The following CARMIL3 variants were observed in gnomAD, a reference collection of about 807,000 sequenced individuals.
The protein encoded by CARMIL3 is capping protein, Arp2/3 and myosin-I linker protein 3.
In CARMIL3, 88 loss-of-function variants were observed where a neutral mutation model predicts 180.8. That is an observed-to-expected ratio of 0.49 (90% CI 0.41 to 0.58). The LOEUF is 0.58. Ranked by LOEUF, CARMIL3 falls within the 20% of genes least tolerant of loss-of-function variation. CARMIL3 has a pLI of 0.00. For missense variants in CARMIL3, 1,548 were observed against 1,787.0 expected, an observed-to-expected ratio of 0.87 and a Z score of 2.41; for synonymous variants, 696 against 714.5, an observed-to-expected ratio of 0.97 and a Z score of 0.41.
intron 1 of CARMIL3, 43 bp downstream of exon 1, chr14:24,052,236 A>G: frequency 6.5e-7 from 1 of 1,544,184 alleles, no homozygotes. Context: ...GTCCGGGAGC[A>G]TCCCAGACCC....
Position 24,052,176 on chromosome 14 carries a change from T to C in CARMIL3, c.23T>C (p.Leu8Pro). MAKPSVELTRELQDSIRR... is the reference protein window; with the variant it reads MAKPSVEPTRELQDSIRR... Reference sequence around the variant, plus strand: ...GCCATGGCCAAGCCCAGCGTGGAGCTCACCCGCGAGTTGCAAGGTACGAGG... The same window carrying C: ...GCCATGGCCAAGCCCAGCGTGGAGCCCACCCGCGAGTTGCAAGGTACGAGG... Residue 8 changes from leucine (L) to proline (P), a missense_variant, in exon 1 of 40, where the codon CTC (leucine) becomes CCC (proline). Leu to Pro is a moderately conservative substitution (Grantham distance 98). Transcript: ENST00000342740. The C allele has an allele frequency of 6.3e-7, 1 of 1,593,004 alleles. No individual in the cohort carries two copies. Among genetic ancestry groups the C allele is most frequent in the Non-Finnish European group, 8.5e-7 (1 of 1,173,996 alleles).
In CARMIL3 at chr14:24,055,224, C is replaced by G. The variant is rs8013151; in HGVS notation, c.532-13C>G. ...AGTGGGGAGCAGGTGTGAGCCAGTT[C>G]CACCTCTCCAAGGATGTGGACACCA... On this transcript the variant is annotated splice_polypyrimidine_tract_variant and intron_variant, in intron 7 of 39. Transcript: ENST00000342740. 2 of 1,613,992 alleles carry G rather than the reference C, an allele frequency of 1.2e-6. No individual in the cohort carries two copies. The highest frequency in any genetic ancestry group is 1.7e-6 in the Non-Finnish European group (2 of 1,179,940).
chr14:24,064,178 T>G, intron 31 of CARMIL3, 68 bp from the exon 32 acceptor site: 1 of 1,035,700 alleles, frequency 9.7e-7, no homozygotes, highest in Non-Finnish European at 1.5e-6. Context: ...AGGGGAATGC[T>G]CTGAGTGGAT....
chr14:24,057,737 A>C, intron 14 of CARMIL3, 66 bp from the exon 15 acceptor site: 1 of 1,346,082 alleles, frequency 7.4e-7, no homozygotes, highest in Non-Finnish European at 1.0e-6. Flanking sequence ...AGGGAGGGGG[A>C]GTCCTTTCCT....
In CARMIL3 at chr14:24,058,541, T is replaced by C; in HGVS notation, c.1393-139T>C. ...GCCAGCTCTAGGGAAGGATCTGGTG[T>C]GGGGAAAGAGTCTCCCTGATTTTAC... On this transcript the variant is annotated intron_variant, in intron 17 of 39. Coordinates refer to ENST00000342740, the MANE Select transcript of CARMIL3 (RefSeq NM_138360.4). The surrounding 1 kb of genome is among the most constrained non-coding windows in gnomAD (Gnocchi z 6.4). 1.4e-6 allele frequency: 1 copy of C among 708,570 alleles called. No individual in the cohort carries two copies. The highest frequency in any genetic ancestry group is 1.8e-5 in the South Asian group (1 of 55,062). The allele number at this position is 708,570 out of a possible 1,614,324, so 43.9% of individuals were successfully genotyped here.
chr14:24,054,824 T>C lies in CARMIL3; in HGVS notation c.460+16T>C. On this transcript the variant is annotated intron_variant, in intron 6 of 39. Transcript: ENST00000342740. This position sits in a 1 kb window ranked among gnomAD's most constrained non-coding sequence, Gnocchi z 5.1. Reference sequence around the variant, plus strand: ...AGTGTCTGCGGTGAGCAGGGGCAGATGTGAGGAAAGTAGGCGCTCCACCAT... The same window carrying C: ...AGTGTCTGCGGTGAGCAGGGGCAGACGTGAGGAAAGTAGGCGCTCCACCAT... 2 of 1,608,602 alleles carry C rather than the reference T, an allele frequency of 1.2e-6. No homozygotes were observed. Among genetic ancestry groups the C allele is most frequent in the South Asian group, 1.1e-5 (1 of 90,788 alleles).
At chr14:24,056,495 C>A in intron 11 of CARMIL3, 102 bp downstream of exon 11, 4 of 1,470,670 alleles carry the variant, frequency 2.7e-6, no homozygotes, top group South Asian at 2.3e-5. Context: ...CTGATTCCAG[C>A]CCCTGCCCTG....
In CARMIL3 at chr14:24,065,058, C is replaced by T. The variant is rs1185772480; in HGVS notation, c.3181C>T (p.Pro1061Ser). 6.2e-6 allele frequency: 10 copies of T among 1,603,938 alleles called. No individual in the cohort carries two copies. Among genetic ancestry groups the T allele is most frequent in the East Asian group, 4.5e-5 (2 of 44,654 alleles). The change falls in exon 33 of 40, where the codon CCC becomes TCC. Residue 1061 changes from proline to serine, a missense_variant. Pro to Ser is a moderately conservative substitution (Grantham distance 74, BLOSUM62 -1). This residue lies in a region of CARMIL3 where 668 missense variants were observed against 687.8 expected (regional missense o/e 0.97). Coordinates refer to ENST00000342740, the MANE Select transcript of CARMIL3 (RefSeq NM_138360.4). ...RRRGLFHFRR[P>S]RSFKGDRGPG... ...CCGGGGCCTGTTTCACTTTCGCCGG[C>T]CCCGGAGCTTCAAGGGGGACAGGGG... is the stretch of plus-strand genomic sequence containing the variant.
Position 24,057,172 on chromosome 14 carries a change from C to T in CARMIL3, c.1068C>T (p.Leu356=). Residue 356 remains leucine (L), a synonymous_variant, in exon 14 of 40, where the codon CTC becomes CTT. Coordinates refer to ENST00000342740, the MANE Select transcript of CARMIL3 (RefSeq NM_138360.4). The part of the protein sequence containing the change: ...GLLATDEANA[L]YSFLAQPNAL... ...CCTCTTCCTTCCTACTCCAGGCCCTCTACAGTTTCCTGGCCCAACCCAACG... is the reference window on the plus strand; with the variant it reads ...CCTCTTCCTTCCTACTCCAGGCCCTTTACAGTTTCCTGGCCCAACCCAACG... 1 of 1,613,974 alleles carries T rather than the reference C, an allele frequency of 6.2e-7. No individual in the cohort carries two copies. The highest frequency in any genetic ancestry group is 1.1e-5 in the South Asian group (1 of 91,032).
At chr14:24,062,363 G>A (rs1566541613) in intron 27 of CARMIL3, 117 bp from the exon 28 acceptor site, 1 of 927,488 alleles carries the variant, frequency 1.1e-6, no homozygotes, top group African/African-American at 1.6e-5. Flanking sequence ...GCGCTCCATG[G>A]GCAGACAGAC....
At chr14:24,055,850 A>C (rs1594547777) in intron 10 of CARMIL3, 61 bp downstream of exon 10, 1 of 1,461,916 alleles carries the variant, frequency 6.8e-7, no homozygotes, top group East Asian at 2.3e-5. Flanking sequence ...GGGTCCCAGA[A>C]CCTCAGAGCA....
Position 24,060,255 on chromosome 14 carries a change from A to G in CARMIL3, c.2061A>G (p.Gln687=), listed in dbSNP as rs2035719253. 1.9e-6 allele frequency: 3 copies of G among 1,614,102 alleles called. No individual in the cohort carries two copies. Among genetic ancestry groups the G allele is most frequent in the Non-Finnish European group, 2.5e-6 (3 of 1,180,014 alleles). Residue 687 remains glutamine, a splice_region_variant and synonymous_variant, in exon 24 of 40, where the codon CAA becomes CAG. Transcript: ENST00000342740. ...QQGLVTSSAE[Q]MLQRLCGRVQ... ...GCCTGGTGACCAGCAGCGCCGAGCA[A>G]GTAAACGTTTCCCTCTGGGACACGG...
rs2138740947 is a variant in CARMIL3 at position 24,059,735 on chromosome 14, G to A, written c.1868+3G>A. 1 of 1,613,970 alleles carries A rather than the reference G, an allele frequency of 6.2e-7. No homozygotes were observed. Among genetic ancestry groups the A allele is most frequent in the Non-Finnish European group, 8.5e-7 (1 of 1,179,940 alleles). ...GACATCGCAAGGGCCCTGGAGAGGT[G>A]AGTAGACCATGGTCCTGCCCTGATC... On this transcript the variant is annotated splice_donor_region_variant and intron_variant, in intron 22 of 39. Transcript: ENST00000342740. The surrounding 1 kb of genome is among the most constrained non-coding windows in gnomAD (Gnocchi z 6.3).
chr14:24,065,562 C>T, intron 33 of CARMIL3, 60 bp from the exon 34 acceptor site: 1 of 1,545,886 alleles, frequency 6.5e-7, no homozygotes. Flanking sequence ...ACAACTCCCT[C>T]ACAGCCTGGG....
intron 35 of CARMIL3, 23 bp from the exon 36 acceptor site, chr14:24,066,544 C>G: frequency 6.2e-6 from 10 of 1,613,354 alleles, no homozygotes; most frequent in Non-Finnish European, 8.5e-6. Context: ...TCCTCTCTTT[C>G]TCATCCCCTC....
At chr14:24,062,335 C>A in intron 27 of CARMIL3, 145 bp from the exon 28 acceptor site, 1 of 768,616 alleles carries the variant, frequency 1.3e-6, no homozygotes, top group Non-Finnish European at 2.3e-6. Context: ...GCTAGGCTGC[C>A]TCCTTCAGCA....
At position 24,057,759 on chromosome 14, in the gene CARMIL3, C is replaced by T. The variant is rs368950317; in HGVS notation, c.1141-44C>T. 38 of 1,546,518 alleles carry T rather than the reference C, an allele frequency of 2.5e-5. No homozygotes were observed. In the African/African-American group the frequency reaches 4.7e-4, roughly 19 times the overall value. ...GGGAGTCCTTTCCTGCCACCCCCTA[C>T]CCCCTTCCAGCTCCCCTGAGACCCA... On this transcript the variant is annotated intron_variant, in intron 14 of 39. Coordinates refer to ENST00000342740, the MANE Select transcript of CARMIL3 (RefSeq NM_138360.4).
chr14:24,055,408 C>CT, intron 8 of CARMIL3, 98 bp downstream of exon 8: 1 of 1,502,542 alleles, frequency 6.7e-7, no homozygotes. Context: ...AGCCCCAGCT[C>CT]TATCTCCCCA....
rs2035779786 is a variant in CARMIL3 at position 24,065,668 on chromosome 14, C to T, written c.3443C>T (p.Thr1148Ile). The stretch of plus-strand genomic sequence containing the variant: ...GGGGAGGGGGGCCCAGCCCCTGGGA[C>T]AGCACAGCAGCCAAGGGTTCACGGT... ...EPGEGGPAPG[T>I]AQQPRVHGVA... The change falls in exon 34 of 40, where the codon ACA becomes ATA. Residue 1148 changes from threonine (T) to isoleucine (I), a missense_variant. Thr to Ile is a moderately conservative substitution (Grantham distance 89). Coordinates refer to ENST00000342740, the MANE Select transcript of CARMIL3 (RefSeq NM_138360.4). The T allele has an allele frequency of 6.2e-7, 1 of 1,613,830 alleles. No homozygotes were observed. The highest frequency in any genetic ancestry group is 1.7e-5 in the Admixed American group (1 of 59,992).
Sources: gnomAD v4.1 joint callset for allele counts on GRCh38, gnomAD v4.1.1 for gene constraint, gnomAD v4.1.1 regional missense constraint, Gnocchi (gnomAD v3.1) non-coding constraint, MANE v1.5 for transcripts, NCBI Gene and HGNC (gene_info 2026-07-23, HGNC 2026-07-21) for gene names.